The following CRACD variants were observed in gnomAD, a reference collection of about 807,000 sequenced individuals.
CRACD encodes capping protein inhibiting regulator of actin dynamics.
A neutral mutation model predicts 106.8 loss-of-function variants in CRACD; 56 were observed. The ratio of observed to expected loss-of-function variants is 0.52; its 90% confidence interval spans 0.42 to 0.66. The LOEUF is 0.66. CRACD is among the 30% of genes least tolerant of loss of function. The pLI, the probability that CRACD is intolerant of heterozygous loss-of-function variation, is 0.00. For synonymous variants in CRACD, 754 were observed against 670.8 expected, an observed-to-expected ratio of 1.12 and a Z score of -1.92; for missense variants, 1,730 against 1,623.2, an observed-to-expected ratio of 1.07 and a Z score of -1.13.
chr4:56,298,065 C>A, intron 3 of CRACD, 149 bp from the exon 4 acceptor site: 1 of 796,294 alleles, frequency 1.3e-6, no homozygotes, highest in Non-Finnish European at 2.0e-6. Flanking sequence ...CCTTGGCTGA[C>A]CCCCAGCAGA....
At chr4:56,098,276 A>G (rs1733660757) in intron 1 of CRACD, among the ~76,000 whole-genome samples, 1 of 152,234 alleles carries the variant, frequency 6.6e-6, no homozygotes, top group African/African-American at 2.4e-5. Context: ...CTGGTACAGT[A>G]GAGTGATAGA....
chr4:56,294,306 T>A (rs1046897511), intron 3 of CRACD, among the ~76,000 whole-genome samples: 43 of 151,760 alleles, frequency 2.8e-4, no homozygotes, highest in Non-Finnish European at 4.9e-4. Context: ...GATCAATATA[T>A]AAAAATAAGT....
chr4:56,173,065 C>G (rs891577579), intron 1 of CRACD, among the ~76,000 whole-genome samples: 26 of 152,334 alleles, frequency 1.7e-4, no homozygotes, highest in African/African-American at 5.5e-4. Flanking sequence ...CAACACCCAG[C>G]CTTTCTGACT....
chr4:56,241,412 G>A (rs537153064), intron 2 of CRACD, among the ~76,000 whole-genome samples: 28 of 151,956 alleles, frequency 1.8e-4, no homozygotes, highest in East Asian at 1.6e-3. Context: ...TAAAGTCACC[G>A]AGAGAATGAG....
chr4:56,187,756 C>T (rs899319193), intron 2 of CRACD, among the ~76,000 whole-genome samples: 6 of 151,870 alleles, frequency 4.0e-5, no homozygotes, highest in Admixed American at 6.6e-5. Context: ...TTTCAACAGA[C>T]GCACACTGAA....
chr4:56,130,333 C>T (rs1982653), intron 1 of CRACD, among the ~76,000 whole-genome samples: 29,322 of 151,952 alleles, frequency 0.19, 3,112 homozygotes, highest in East Asian at 0.38. Context: ...CAATTACTAA[C>T]GATAACAATT....
intron 1 of CRACD, among the ~76,000 whole-genome samples, chr4:56,084,366 G>A (rs1733142022): frequency 6.6e-6 from 1 of 151,780 alleles, no homozygotes; most frequent in Non-Finnish European, 1.5e-5. Flanking sequence ...GATGTGGAAG[G>A]AACACTCAAT....
At chr4:56,305,755 T>G (rs2109741781) in intron 4 of CRACD, among the ~76,000 whole-genome samples, 1 of 152,262 alleles carries the variant, frequency 6.6e-6, no homozygotes, top group East Asian at 1.9e-4. Flanking sequence ...AGGGGGCATG[T>G]GGAGGGGACC....
chr4:56,253,411 A>G (rs1741160714), intron 2 of CRACD, among the ~76,000 whole-genome samples: 1 of 152,228 alleles, frequency 6.6e-6, no homozygotes, highest in Non-Finnish European at 1.5e-5. Context: ...TCGATAGTTC[A>G]GTCACCTCAT....
At chr4:56,262,083 G>A (rs544775479) in intron 2 of CRACD, among the ~76,000 whole-genome samples, 5 of 152,252 alleles carry the variant, frequency 3.3e-5, no homozygotes, top group South Asian at 2.1e-4. Flanking sequence ...TTTTGTACAC[G>A]TCAGATGGTT....
At chr4:56,085,745 T>C (rs916187250) in intron 1 of CRACD, among the ~76,000 whole-genome samples, 1 of 152,192 alleles carries the variant, frequency 6.6e-6, no homozygotes, top group Non-Finnish European at 1.5e-5. Context: ...ACCCCTGTTC[T>C]GTATGAAAGA....
At chr4:56,135,594 A>G (rs1483835480) in intron 1 of CRACD, among the ~76,000 whole-genome samples, 2 of 152,188 alleles carry the variant, frequency 1.3e-5, no homozygotes, top group Non-Finnish European at 2.9e-5. Flanking sequence ...GAAAATGAGT[A>G]TCTTTATTTG....
rs559914448 is a variant in CRACD at position 56,084,373 on chromosome 4, C to T, written c.-336+35074C>T. Reference sequence around the variant, plus strand: ...CTTAAGAGGATGTGGAAGGAACACTCAATAAAGACACTGAACCTGGATTCT... The same window carrying T: ...CTTAAGAGGATGTGGAAGGAACACTTAATAAAGACACTGAACCTGGATTCT... On this transcript the variant is annotated intron_variant, in intron 1 of 10. Transcript: ENST00000682029. Among the ~76,000 whole-genome samples the T allele has an allele frequency of 2.0e-5, 3 of 151,994 alleles. No homozygotes were observed. In the East Asian group the frequency reaches 5.8e-4, roughly 29 times the overall value.
chr4:56,085,406 TG>T (rs1733181181), intron 1 of CRACD, among the ~76,000 whole-genome samples: 1 of 152,156 alleles, frequency 6.6e-6, no homozygotes, highest in Non-Finnish European at 1.5e-5. Context: ...TTTGATGTGG[TG>T]GTGGGTAAAG....
intron 3 of CRACD, among the ~76,000 whole-genome samples, chr4:56,285,703 C>T (rs1215947499): frequency 6.6e-6 from 1 of 152,118 alleles, no homozygotes; most frequent in South Asian, 2.1e-4. Flanking sequence ...GCTTTGGTCT[C>T]CCAAAGCACT....
At chr4:56,178,621 T>C (rs915605679) in intron 1 of CRACD, among the ~76,000 whole-genome samples, 1 of 152,234 alleles carries the variant, frequency 6.6e-6, no homozygotes, top group African/African-American at 2.4e-5. Flanking sequence ...CCATCAGGGC[T>C]TGACACCCTT....
chr4:56,162,418 A>T (rs1256258770), intron 1 of CRACD, among the ~76,000 whole-genome samples: 1 of 152,128 alleles, frequency 6.6e-6, no homozygotes, highest in Non-Finnish European at 1.5e-5. Context: ...TATGTTGTCC[A>T]GGCTGGTCTT....
chr4:56,314,814 C>T lies in CRACD; in HGVS notation c.1312C>T (p.Pro438Ser), dbSNP rs758097140. Residue 438 changes from proline to serine, a missense_variant, in exon 8 of 11, where the codon CCC becomes TCC. By Grantham distance (74) the Pro-to-Ser change is moderately conservative. Around this residue, in one of 5 missense-constraint regions of CRACD, gnomAD observed 1,620 missense variants for 1,481.6 expected, o/e 1.09. Coordinates refer to ENST00000682029, the MANE Select transcript of CRACD (RefSeq NM_001393381.1). The surrounding 1 kb of genome is among the most constrained non-coding windows in gnomAD (Gnocchi z 4.4). The part of the protein sequence containing the change: ...ERLEDQERLK[P>S]EGQREHSEEP... Reference sequence around the variant, plus strand: ...GCTCGAAGACCAGGAACGCCTGAAACCCGAAGGACAAAGAGAACACTCCGA... The same window carrying T: ...GCTCGAAGACCAGGAACGCCTGAAATCCGAAGGACAAAGAGAACACTCCGA... 2.1e-5 allele frequency: 33 copies of T among 1,608,252 alleles called. No individual in the cohort carries two copies. Among genetic ancestry groups the T allele is most frequent in the Non-Finnish European group, 2.7e-5 (32 of 1,178,348 alleles).
intron 1 of CRACD, among the ~76,000 whole-genome samples, chr4:56,082,379 C>A (rs1049043648): frequency 6.6e-6 from 1 of 152,114 alleles, no homozygotes; most frequent in South Asian, 2.1e-4. Flanking sequence ...TGGTAAGCCA[C>A]GGGAGGCCTT....
Sources: allele counts gnomAD v4.1 joint callset (sites outside exome capture counted in the v4.1 genomes callset), GRCh38; gene constraint gnomAD v4.1.1; regional missense constraint gnomAD v4.1.1; non-coding constraint Gnocchi (gnomAD v3.1); transcripts MANE v1.5; gene names NCBI Gene and HGNC (gene_info 2026-07-23, HGNC 2026-07-21).